The following FKBP4 variants were observed in gnomAD, a reference collection of about 807,000 sequenced individuals.
The protein encoded by FKBP4 is peptidyl-prolyl cis-trans isomerase FKBP4.
A neutral mutation model predicts 54.1 loss-of-function variants in FKBP4; 28 were observed. The observed-to-expected ratio is 0.52, with a 90% confidence interval of 0.38 to 0.71. The LOEUF (loss-of-function observed/expected upper bound fraction) is 0.71. Ranked by LOEUF, FKBP4 falls within the 30% of genes least tolerant of loss-of-function variation. FKBP4 has a pLI of 0.00. For missense variants in FKBP4, 493 were observed against 574.4 expected (o/e 0.86, Z 1.45); for synonymous variants, 223 against 216.1 (o/e 1.03, Z -0.28).
At chr12:2,796,092 G>C in intron 1 of FKBP4, 1 of 1,196,086 alleles carries the variant, frequency 8.4e-7, no homozygotes, top group African/African-American at 1.6e-5. Flanking sequence ...GCCTTGGGTC[G>C]GAGCAGGTTC....
intron 7 of FKBP4, 22 bp downstream of exon 7, chr12:2,800,144 T>A (rs1327454166): frequency 6.2e-7 from 1 of 1,609,190 alleles, no homozygotes; most frequent in Admixed American, 1.7e-5. Flanking sequence ...GTCATTGTCC[T>A]AAGGACACTC....
chr12:2,796,757 C>T, intron 1 of FKBP4: 5 of 1,062,006 alleles, frequency 4.7e-6, no homozygotes, highest in Non-Finnish European at 5.7e-6. Context: ...TCCCCCTTTG[C>T]CGATTATAAT....
chr12:2,805,410 A>C lies in FKBP4; in HGVS notation c.*2152A>C, dbSNP rs189928574. 3.8e-6 allele frequency: 1 copy of C among 263,432 alleles called. No homozygotes were observed. Among genetic ancestry groups the C allele is most frequent in the African/African-American group, 2.3e-5 (1 of 43,774 alleles). 16.3% of individuals were successfully genotyped at this position (263,432 alleles called of 1,614,324 possible). The stretch of plus-strand genomic sequence containing the variant: ...GTAACATTAAAACTGTCTAGTGAGG[A>C]TGTTTTGTTAAAATGCCTACAAGTC... On this transcript the variant is annotated 3_prime_UTR_variant, in exon 10 of 10. Coordinates refer to ENST00000001008, the MANE Select transcript of FKBP4 (RefSeq NM_002014.4).
In FKBP4 at chr12:2,795,953, A is replaced by C. The variant is rs1326463622; in HGVS notation, c.105+709A>C. 9.7e-7 allele frequency: 1 copy of C among 1,030,070 alleles called. No homozygotes were observed. Among genetic ancestry groups the C allele is most frequent in the African/African-American group, 1.7e-5 (1 of 57,948 alleles). The allele number at this position is 1,030,070 out of a possible 1,614,324, so 63.8% of individuals were successfully genotyped here. A position where few individuals can be genotyped will look rare whatever the true frequency, so the allele number is the denominator to read the frequency against. ...CCCTCCCCCCTCCGCCGCCTCCCGG[A>C]GCCAGGGCTGCGGGGTGTGGGGCGG... On this transcript the variant is annotated intron_variant, in intron 1 of 9. Transcript: ENST00000001008. This position sits in a 1 kb window ranked among gnomAD's most constrained non-coding sequence, Gnocchi z 4.3.
rs557722820 is a variant in FKBP4 at position 2,797,405 on chromosome 12, C to T, written c.250+123C>T. The T allele has an allele frequency of 1.8e-3, 1,971 of 1,123,050 alleles. 22 individuals are homozygous for T. Among genetic ancestry groups the T allele is most frequent in the South Asian group, 0.012 (771 of 65,638 alleles). The allele number at this position is 1,123,050 out of a possible 1,614,324, so 69.6% of individuals were successfully genotyped here. ...GTTTATCACAGTCTGTTAACTCTTT[C>T]GGTCACTCTTTTTTTTTTTTTTCTA... On this transcript the variant is annotated intron_variant, in intron 2 of 9. Transcript: ENST00000001008.
intron 8 of FKBP4, 55 bp from the exon 9 acceptor site, chr12:2,801,062 G>GAT (rs1461333119): frequency 6.2e-7 from 1 of 1,605,768 alleles, no homozygotes; most frequent in African/African-American, 1.3e-5. Flanking sequence ...GTCTAGGCCA[G>GAT]ATGAGCTACA....
In FKBP4 at chr12:2,795,054, ACGCCCCGCAGGTAGCGCCCCCGCC is replaced by A. The variant is rs2097900843; in HGVS notation, c.-82_-59del. 1.3e-6 allele frequency: 1 copy of A among 779,076 alleles called. No individual in the cohort carries two copies. The highest frequency in any genetic ancestry group is 1.7e-6 in the Non-Finnish European group (1 of 579,390). 48.3% of individuals were successfully genotyped at this position (779,076 alleles called of 1,614,324 possible). A position where few individuals can be genotyped will look rare whatever the true frequency, so the allele number is the denominator to read the frequency against. ...AGTGCCGCCGCGCCCGGCCTCCCGC[ACGCCCCGCAGGTAGCGCCCCCGCC>A]CGCGGCCCAGAGTGCGCTCGCGCCG... On this transcript the variant is annotated 5_prime_UTR_variant, in exon 1 of 10. Coordinates refer to ENST00000001008, the MANE Select transcript of FKBP4 (RefSeq NM_002014.4). The surrounding 1 kb of genome is among the most constrained non-coding windows in gnomAD (Gnocchi z 4.3).
intron 5 of FKBP4, 44 bp downstream of exon 5, chr12:2,799,288 A>T (rs759267281): frequency 6.8e-7 from 1 of 1,463,704 alleles, no homozygotes; most frequent in Non-Finnish European, 9.0e-7. Flanking sequence ...AGGCAAACCA[A>T]GATCAAAGAT....
chr12:2,798,865 A>T lies in FKBP4; in HGVS notation c.514+39A>T. 2 of 1,604,544 alleles carry T rather than the reference A, an allele frequency of 1.2e-6. No homozygotes were observed. The highest frequency in any genetic ancestry group is 1.7e-6 in the Non-Finnish European group (2 of 1,171,844). The stretch of plus-strand genomic sequence containing the variant: ...GTCTGGGCTTTCAATTCTCATTCTG[A>T]TATTTAGGCCTTGTGTGGCTTTGGG... On this transcript the variant is annotated intron_variant, in intron 4 of 9. Coordinates refer to ENST00000001008, the MANE Select transcript of FKBP4 (RefSeq NM_002014.4). This position sits in a 1 kb window ranked among gnomAD's most constrained non-coding sequence, Gnocchi z 4.3.
At chr12:2,797,600 CCTT>C (rs1413398648) in intron 2 of FKBP4, 126 bp from the exon 3 acceptor site, 1 of 1,147,244 alleles carries the variant, frequency 8.7e-7, no homozygotes. Context: ...AGGTACCTCA[CCTT>C]CTGGTCCCAT....
Position 2,797,191 on chromosome 12 carries a change from C to G in FKBP4, c.159C>G (p.Val53=). The change falls in exon 2 of 10, where the codon GTC becomes GTG. Residue 53 remains valine (V), a synonymous_variant. Coordinates refer to ENST00000001008, the MANE Select transcript of FKBP4 (RefSeq NM_002014.4). Reference sequence around the variant, plus strand: ...AGATGCCCATGATTGGGGACCGAGTCTTTGTCCACTACACTGGCTGGCTAT... The same window carrying G: ...AGATGCCCATGATTGGGGACCGAGTGTTTGTCCACTACACTGGCTGGCTAT... ...GTEMPMIGDR[V]FVHYTGWLLD... 1 of 1,613,770 alleles carries G rather than the reference C, an allele frequency of 6.2e-7. No individual in the cohort carries two copies. Among genetic ancestry groups the G allele is most frequent in the Non-Finnish European group, 8.5e-7 (1 of 1,179,866 alleles).
chr12:2,797,400 T>A, intron 2 of FKBP4, 118 bp downstream of exon 2: 3 of 1,188,590 alleles, frequency 2.5e-6, no homozygotes, highest in Non-Finnish European at 3.6e-6. Flanking sequence ...GTCTGTTAAC[T>A]CTTTCGGTCA....
At position 2,805,385 on chromosome 12, in the gene FKBP4, G is replaced by A. The variant is rs1364819680; in HGVS notation, c.*2127G>A. 4 of 320,442 alleles carry A rather than the reference G, an allele frequency of 1.2e-5. No homozygotes were observed. In the Admixed American group the frequency reaches 1.8e-4, roughly 14 times the overall value. 19.8% of individuals were successfully genotyped at this position (320,442 alleles called of 1,614,324 possible). A position where few individuals can be genotyped will look rare whatever the true frequency, so the allele number is the denominator to read the frequency against. ...CATCTAGAGATAAGTCTTAGTTTATGTAACATTAAAACTGTCTAGTGAGGA... is the reference window on the plus strand; with the variant it reads ...CATCTAGAGATAAGTCTTAGTTTATATAACATTAAAACTGTCTAGTGAGGA... On this transcript the variant is annotated 3_prime_UTR_variant, in exon 10 of 10. Coordinates refer to ENST00000001008, the MANE Select transcript of FKBP4 (RefSeq NM_002014.4).
Position 2,799,892 on chromosome 12 carries a change from A to G in FKBP4, c.714A>G (p.Pro238=). The G allele has an allele frequency of 2.5e-6, 4 of 1,614,166 alleles. No individual in the cohort carries two copies. The change falls in exon 6 of 10, where the codon CCA becomes CCG. Residue 238 remains proline, a synonymous_variant. Coordinates refer to ENST00000001008, the MANE Select transcript of FKBP4 (RefSeq NM_002014.4). The part of the protein sequence containing the change: ...GSVGKEKFQI[P]PNAELKYELH... ...TTGGGAAGGAAAAGTTCCAAATCCC[A>G]CCAAATGCTGAGCTGAAATATGAAT...
intron 2 of FKBP4, 45 bp downstream of exon 2, chr12:2,797,327 C>A: frequency 1.2e-6 from 2 of 1,604,242 alleles, no homozygotes; most frequent in Non-Finnish European, 1.7e-6. Context: ...GAGGTGGACA[C>A]AAGCTGTCAC....
Position 2,795,234 on chromosome 12 carries a change from G to C in FKBP4, c.95G>C (p.Gly32Ala). ...GVDISPKQDE[G>A]VLKVIKREGT... is the part of the protein sequence containing the mutation. ...GACATCAGCCCCAAACAGGACGAAGGCGTGCTGAAGGTGAGGGGCGGCGGG... is the reference window on the plus strand; with the variant it reads ...GACATCAGCCCCAAACAGGACGAAGCCGTGCTGAAGGTGAGGGGCGGCGGG... Residue 32 changes from glycine to alanine, a missense_variant, in exon 1 of 10, where the codon GGC (glycine) becomes GCC (alanine). By Grantham distance (60) the Gly-to-Ala change is moderately conservative. Coordinates refer to ENST00000001008, the MANE Select transcript of FKBP4 (RefSeq NM_002014.4). The surrounding 1 kb of genome is among the most constrained non-coding windows in gnomAD (Gnocchi z 4.3). The C allele has an allele frequency of 7.5e-7, 1 of 1,332,428 alleles. No individual in the cohort carries two copies. Among genetic ancestry groups the C allele is most frequent in the Non-Finnish European group, 9.7e-7 (1 of 1,034,036 alleles). 82.5% of individuals were successfully genotyped at this position (1,332,428 alleles called of 1,614,324 possible).
In FKBP4 at chr12:2,800,471, A is replaced by G; in HGVS notation, c.926A>G (p.Glu309Gly). The G allele has an allele frequency of 6.2e-7, 1 of 1,614,160 alleles. No homozygotes were observed. Reference sequence around the variant, plus strand: ...GAATATGAGTCTAGTTTTTCCAATGAGGAAGCACAGAAAGCACAGGCCCTT... The same window carrying G: ...GAATATGAGTCTAGTTTTTCCAATGGGGAAGCACAGAAAGCACAGGCCCTT... ...WLEYESSFSN[E>G]EAQKAQALRL... The change falls in exon 8 of 10, where the codon GAG (glutamate) becomes GGG (glycine). Residue 309 changes from glutamate to glycine, a missense_variant. By Grantham distance (98) the Glu-to-Gly change is moderately conservative (BLOSUM62 -2). Coordinates refer to ENST00000001008, the MANE Select transcript of FKBP4 (RefSeq NM_002014.4).
chr12:2,803,107 T>C (rs1448385745), intron 9 of FKBP4, 44 bp from the exon 10 acceptor site: 4 of 1,370,258 alleles, frequency 2.9e-6, no homozygotes, highest in Non-Finnish European at 4.1e-6. Context: ...TGTGTGTTTT[T>C]TCACTTGGGA....
intron 1 of FKBP4, chr12:2,796,759 G>A: frequency 9.4e-7 from 1 of 1,061,058 alleles, no homozygotes; most frequent in Non-Finnish European, 1.1e-6. Flanking sequence ...CCCCTTTGCC[G>A]ATTATAATAA....
Sources: allele counts gnomAD v4.1 joint callset, GRCh38; gene constraint gnomAD v4.1.1; non-coding constraint Gnocchi (gnomAD v3.1); transcripts MANE v1.5; gene names NCBI Gene and HGNC (gene_info 2026-07-23, HGNC 2026-07-21).